Variants in CEP85L observed in about 807,000 individuals in gnomAD.
The protein encoded by CEP85L is centrosomal protein 85L.
A neutral mutation model predicts 100.3 loss-of-function variants in CEP85L; 60 were observed. The ratio of observed to expected loss-of-function variants is 0.60; its 90% CI spans 0.49 to 0.74. CEP85L has a LOEUF of 0.74. CEP85L is among the 30% of genes least tolerant of loss of function. CEP85L has a pLI of 0.00. For synonymous variants in CEP85L, 319 were observed against 322.7 expected, an observed-to-expected ratio of 0.99 and a Z score of 0.12; for missense variants, 973 against 936.2, an observed-to-expected ratio of 1.04 and a Z score of -0.51.
intron 11 of CEP85L, among the ~76,000 whole-genome samples, chr6:118,469,905 C>G (rs1369770323): frequency 6.6e-6 from 1 of 152,158 alleles, no homozygotes; most frequent in South Asian, 2.1e-4. Context: ...CCATACCCAG[C>G]CTGTATTTTT....
chr6:118,662,462 G>A (rs960891208), intron 1 of CEP85L, among the ~76,000 whole-genome samples: 37 of 151,892 alleles, frequency 2.4e-4, no homozygotes, highest in Admixed American at 6.6e-4. Flanking sequence ...CCCAGGAGGC[G>A]GAGGTTGCAA....
intron 2 of CEP85L, among the ~76,000 whole-genome samples, chr6:118,600,878 T>C (rs1202560220): frequency 6.6e-6 from 1 of 152,186 alleles, no homozygotes; most frequent in African/African-American, 2.4e-5. Context: ...ATTTGCCATC[T>C]TACCCTAGAA....
At chr6:118,648,534 G>C (rs973326646) in intron 1 of CEP85L, among the ~76,000 whole-genome samples, 2 of 152,216 alleles carry the variant, frequency 1.3e-5, no homozygotes, top group South Asian at 4.1e-4. Context: ...GAGGTCAGGA[G>C]ATCGAGACCA....
Position 118,465,300 on chromosome 6 carries a change from A to T in CEP85L, c.*105T>A. The T allele has an allele frequency of 9.5e-7, 1 of 1,050,478 alleles. No homozygotes were observed. The highest frequency in any genetic ancestry group is 1.3e-6 in the Non-Finnish European group (1 of 756,564). The allele number at this position is 1,050,478 out of a possible 1,614,324, so 65.1% of individuals were successfully genotyped here. A position where few individuals can be genotyped will look rare whatever the true frequency, so the allele number is the denominator to read the frequency against. Reference sequence around the variant, plus strand: ...TTCAACAAAACAAATCCACAGAAAAAAAATCCCTAAGTGCAAGTCATGTCA... The same window carrying T: ...TTCAACAAAACAAATCCACAGAAAATAAATCCCTAAGTGCAAGTCATGTCA... On this transcript the variant is annotated 3_prime_UTR_variant, in exon 13 of 13. Transcript: ENST00000368491.
rs1489770109 is a variant in CEP85L, at chr6:118,525,784, T to C, written c.1021-1864A>G. On this transcript the variant is annotated intron_variant, in intron 3 of 12. Coordinates refer to ENST00000368491, the MANE Select transcript of CEP85L (RefSeq NM_001042475.3). Reference sequence around the variant, plus strand: ...CTCTGTTATATCATCTCTAGGAACCTAGTATAACTGGTAAATCAAATAGGA... The same window carrying C: ...CTCTGTTATATCATCTCTAGGAACCCAGTATAACTGGTAAATCAAATAGGA... 3.3e-5 allele frequency among the ~76,000 whole-genome samples: 5 copies of C among 152,216 alleles called. No homozygotes were observed. In the East Asian group the frequency reaches 9.6e-4, roughly 29 times the overall value.
chr6:118,550,145 T>G (rs575356779), intron 3 of CEP85L, among the ~76,000 whole-genome samples: 2 of 151,910 alleles, frequency 1.3e-5, no homozygotes, highest in Non-Finnish European at 2.9e-5. Flanking sequence ...AGTACTTGCT[T>G]TACTAAAAGG....
At chr6:118,647,378 A>G (rs1775272843) in intron 1 of CEP85L, among the ~76,000 whole-genome samples, 1 of 152,126 alleles carries the variant, frequency 6.6e-6, no homozygotes, top group Non-Finnish European at 1.5e-5. Flanking sequence ...TGTTTTTTAA[A>G]GAGACAGAGC....
intron 6 of CEP85L, among the ~76,000 whole-genome samples, chr6:118,490,721 C>T (rs1037710862): frequency 6.6e-6 from 1 of 152,156 alleles, no homozygotes; most frequent in Non-Finnish European, 1.5e-5. Context: ...AGAATAGATA[C>T]ACTGTAGTAT....
In CEP85L at chr6:118,580,704, A is replaced by T. The variant is rs9489449; in HGVS notation, c.233-14388T>A. ...GGGCACACCCTGGTGTGACTCAAAGACCTCTGGACCAGACCCAGCCTCCAA... is the reference window on the plus strand; with the variant it reads ...GGGCACACCCTGGTGTGACTCAAAGTCCTCTGGACCAGACCCAGCCTCCAA... On this transcript the variant is annotated intron_variant, in intron 2 of 12. Coordinates refer to ENST00000368491, the MANE Select transcript of CEP85L (RefSeq NM_001042475.3). 2.0e-5 allele frequency among the ~76,000 whole-genome samples: 3 copies of T among 152,168 alleles called. No homozygotes were observed. The East Asian group carries it at 5.8e-4, about 29-fold the overall frequency.
chr6:118,605,681 A>C (rs1019379153), intron 2 of CEP85L, among the ~76,000 whole-genome samples: 2 of 152,044 alleles, frequency 1.3e-5, no homozygotes, highest in African/African-American at 4.8e-5. Flanking sequence ...GTCTTAGGCT[A>C]CCAGAAGTTA....
chr6:118,651,780 C>G (rs1583228595), upstream of CEP85L: 2 of 986,062 alleles, frequency 2.0e-6, no homozygotes, highest in African/African-American at 3.5e-5. Flanking sequence ...TCCCGCCCTC[C>G]CGCCGCATCC....
At chr6:118,666,100 G>C (rs1477144868) in intron 1 of CEP85L, among the ~76,000 whole-genome samples, 2 of 152,176 alleles carry the variant, frequency 1.3e-5, no homozygotes, top group Non-Finnish European at 2.9e-5. Flanking sequence ...TATTAAAACT[G>C]TATCCCCAAA....
chr6:118,659,050 A>G (rs1775886383), intron 1 of CEP85L, among the ~76,000 whole-genome samples: 1 of 152,188 alleles, frequency 6.6e-6, no homozygotes, highest in Admixed American at 6.5e-5. Flanking sequence ...GCAAGACTTA[A>G]AAGTTTTTAA....
rs377652479 is a variant in CEP85L at position 118,617,518 on chromosome 6, T to C, written c.232+14935A>G. Among the ~76,000 whole-genome samples the C allele has an allele frequency of 6.2e-4, 95 of 152,224 alleles. 1 individual carries two copies. The highest frequency in any genetic ancestry group is 1.3e-4 in the Admixed American group (2 of 15,278). On this transcript the variant is annotated intron_variant, in intron 2 of 12. Coordinates refer to ENST00000368491, the MANE Select transcript of CEP85L (RefSeq NM_001042475.3). Reference sequence around the variant, plus strand: ...TCAGTTTTTCTCAAAATCTAAAGCATGTCACAAAATAATTTACTGCCTTTG... The same window carrying C: ...TCAGTTTTTCTCAAAATCTAAAGCACGTCACAAAATAATTTACTGCCTTTG...
chr6:118,650,203 A>G (rs1208983910), intron 1 of CEP85L, among the ~76,000 whole-genome samples: 1 of 152,176 alleles, frequency 6.6e-6, no homozygotes, highest in Non-Finnish European at 1.5e-5. Flanking sequence ...TTGTAGGGAA[A>G]ATTTTGCGTA....
At chr6:118,596,736 C>T (rs1202671039) in intron 2 of CEP85L, among the ~76,000 whole-genome samples, 2 of 152,126 alleles carry the variant, frequency 1.3e-5, no homozygotes, top group Non-Finnish European at 2.9e-5. Flanking sequence ...CAGCACCAAT[C>T]ACTCAAACCA....
At chr6:118,585,299 C>A (rs1240324639) in intron 2 of CEP85L, among the ~76,000 whole-genome samples, 1 of 152,206 alleles carries the variant, frequency 6.6e-6, no homozygotes, top group South Asian at 2.1e-4. Flanking sequence ...TTTCTTACCA[C>A]CGATGGATCT....
At chr6:118,652,601 T>C, upstream of CEP85L, 1 of 1,500,430 alleles carries the variant, frequency 6.7e-7, no homozygotes, top group Non-Finnish European at 8.9e-7. Flanking sequence ...AACAAAGGCC[T>C]CATATTTGCA....
intron 10 of CEP85L, among the ~76,000 whole-genome samples, chr6:118,476,284 T>C (rs1410451152): frequency 2.1e-5 from 3 of 144,312 alleles, no homozygotes; most frequent in East Asian, 4.0e-4. Context: ...AGTGTGTGCG[T>C]TTTTTTTTTT....
Sources: gnomAD v4.1 joint callset for allele counts (sites outside exome capture counted in the v4.1 genomes callset) on GRCh38, gnomAD v4.1.1 for gene constraint, MANE v1.5 for transcripts, NCBI Gene and HGNC (gene_info 2026-07-23, HGNC 2026-07-21) for gene names.